FAM53B: variants seen among roughly 807,000 people sequenced by gnomAD.
The protein encoded by FAM53B is family with sequence similarity 53 member B, also known as protein FAM53B.
A neutral mutation model predicts 32.7 loss-of-function variants in FAM53B; 12 were observed. The ratio of observed to expected loss-of-function variants is 0.37; its 90% confidence interval spans 0.24 to 0.59. The LOEUF is 0.59. FAM53B is among the 20% of genes least tolerant of loss of function. The pLI is 0.72. For synonymous variants in FAM53B, 234 were observed against 228.7 expected (o/e 1.02, Z -0.21); for missense variants, 477 against 577.7 (o/e 0.83, Z 1.79).
At chr10:124,709,755 A>C (rs1949987606) in intron 1 of FAM53B, among the ~76,000 whole-genome samples, 2 of 152,162 alleles carry the variant, frequency 1.3e-5, no homozygotes, top group Admixed American at 1.3e-4. Context: ...GATATGAAAC[A>C]ATCTCCAAGA....
chr10:124,724,611 G>T (rs1950090938), intron 1 of FAM53B, among the ~76,000 whole-genome samples: 1 of 152,162 alleles, frequency 6.6e-6, no homozygotes, highest in Admixed American at 6.5e-5. Flanking sequence ...GGTGACCCAG[G>T]GGATTCTAAG....
At chr10:124,701,025 C>T (rs942505935) in intron 2 of FAM53B, among the ~76,000 whole-genome samples, 5 of 152,218 alleles carry the variant, frequency 3.3e-5, no homozygotes, top group African/African-American at 9.6e-5. Context: ...GATAGAGATA[C>T]GCTGGCCCTG....
rs150105383 is a variant in FAM53B, at chr10:124,623,719, C to T, written c.907-115G>A. 9.1e-5 allele frequency: 115 copies of T among 1,257,644 alleles called. 1 individual carries two copies. In the East Asian group the frequency reaches 2.5e-3, roughly 27 times the overall value. 77.9% of individuals were successfully genotyped at this position (1,257,644 alleles called of 1,614,324 possible). ...GGCTGTGGCAAGACCAATCAAGTCC[C>T]GGGTTCCTCCTATCCAGGCAAGGAC... is the stretch of plus-strand genomic sequence containing the variant. On this transcript the variant is annotated intron_variant, in intron 4 of 4. Coordinates refer to ENST00000337318, the MANE Select transcript of FAM53B (RefSeq NM_014661.4).
chr10:124,700,876 C>T (rs1377540910), intron 2 of FAM53B, among the ~76,000 whole-genome samples: 2 of 152,192 alleles, frequency 1.3e-5, no homozygotes, highest in South Asian at 2.1e-4. Flanking sequence ...TGCGGGGGAA[C>T]GAGTGGAGCA....
chr10:124,674,273 GC>G (rs1402017134), intron 4 of FAM53B, among the ~76,000 whole-genome samples: 7 of 152,178 alleles, frequency 4.6e-5, no homozygotes, highest in African/African-American at 1.4e-4. Context: ...TGAGCAGCAG[GC>G]CCCTCCTTTT....
chr10:124,722,042 G>A (rs934227570), intron 1 of FAM53B, among the ~76,000 whole-genome samples: 1 of 152,178 alleles, frequency 6.6e-6, no homozygotes, highest in Non-Finnish European at 1.5e-5. Flanking sequence ...AAGGGTAGGG[G>A]GAAGGCGGGG....
At chr10:124,702,676 T>C (rs1004589402) in intron 2 of FAM53B, among the ~76,000 whole-genome samples, 1 of 152,122 alleles carries the variant, frequency 6.6e-6, no homozygotes, top group African/African-American at 2.4e-5. Context: ...GGTGCACCCC[T>C]GCCCCTCAGC....
chr10:124,639,333 G>A (rs2134043408), intron 4 of FAM53B, among the ~76,000 whole-genome samples: 1 of 152,310 alleles, frequency 6.6e-6, no homozygotes, highest in Admixed American at 6.5e-5. Flanking sequence ...AGATCCCCAA[G>A]AGGGCTGAGG....
chr10:124,670,890 A>G (rs955997933), intron 4 of FAM53B, among the ~76,000 whole-genome samples: 1 of 152,152 alleles, frequency 6.6e-6, no homozygotes, highest in African/African-American at 2.4e-5. Flanking sequence ...CCTGAATGAC[A>G]TCCATCCCCC....
chr10:124,656,965 C>G (rs1486949481), intron 4 of FAM53B, among the ~76,000 whole-genome samples: 6 of 151,300 alleles, frequency 4.0e-5, no homozygotes, highest in Non-Finnish European at 8.8e-5. Context: ...GTACAGCACA[C>G]CAACATGGCA....
rs1949557936 is a variant in FAM53B at position 124,651,726 on chromosome 10, G to GC, written c.907-28123dup. Among the ~76,000 whole-genome samples, 1 of 152,202 alleles carries GC rather than the reference G, an allele frequency of 6.6e-6. No homozygotes were observed. On this transcript the variant is annotated intron_variant, in intron 4 of 4. Coordinates refer to ENST00000337318, the MANE Select transcript of FAM53B (RefSeq NM_014661.4). The surrounding 1 kb of genome is among the most constrained non-coding windows in gnomAD (Gnocchi z 5.2). ...GCTCTGGAGGGTCAAGGTCAGCAGA[G>GC]CCCCACAGATGTCTAGCCCCTGCCT...
chr10:124,649,721 G>T (rs956897310), intron 4 of FAM53B, among the ~76,000 whole-genome samples: 3 of 152,210 alleles, frequency 2.0e-5, no homozygotes, highest in African/African-American at 7.2e-5. Flanking sequence ...GGCTGGCGGT[G>T]TCCCTGGTCT....
chr10:124,678,942 G>C (rs1949752743), intron 4 of FAM53B, among the ~76,000 whole-genome samples: 1 of 152,226 alleles, frequency 6.6e-6, no homozygotes, highest in Non-Finnish European at 1.5e-5. Context: ...GGGAGCTGCA[G>C]CTTTTCAGAA....
At chr10:124,695,076 G>GC (rs1463121765) in intron 3 of FAM53B, among the ~76,000 whole-genome samples, 2 of 152,226 alleles carry the variant, frequency 1.3e-5, no homozygotes, top group East Asian at 3.9e-4. Flanking sequence ...CTCATCTATG[G>GC]CAACTGTATC....
At chr10:124,703,583 T>G (rs936035673) in intron 2 of FAM53B, 2 of 152,270 alleles carry the variant, frequency 1.3e-5, no homozygotes, top group Non-Finnish European at 2.9e-5. Context: ...TCTGGGCGCA[T>G]AAGCAAACTG....
intron 1 of FAM53B, among the ~76,000 whole-genome samples, chr10:124,707,259 A>T (rs1258383386): frequency 2.0e-5 from 3 of 152,172 alleles, no homozygotes; most frequent in Non-Finnish European, 4.4e-5. Context: ...CAGCTTCAGC[A>T]CACACCAGGA....
intron 2 of FAM53B, 130 bp downstream of exon 2, chr10:124,706,506 G>T (rs913789085): frequency 1.8e-6 from 2 of 1,102,504 alleles, no homozygotes; most frequent in Non-Finnish European, 2.7e-6. Context: ...AGCCCGGGAC[G>T]CCTCACAGAG....
intron 3 of FAM53B, among the ~76,000 whole-genome samples, chr10:124,691,055 GGC>G (rs537048391): frequency 2.3e-4 from 35 of 152,246 alleles, no homozygotes; most frequent in South Asian, 1.0e-3. Context: ...AAGCTCTGAG[GGC>G]CACGCTTTTC....
chr10:124,719,176 T>C (rs1023719757), intron 1 of FAM53B, among the ~76,000 whole-genome samples: 9 of 152,182 alleles, frequency 5.9e-5, no homozygotes, highest in African/African-American at 2.2e-4. Flanking sequence ...TCTAAGAAGT[T>C]TGGAGGAACA....
Sources: gnomAD v4.1 joint callset for allele counts (sites outside exome capture counted in the v4.1 genomes callset) on GRCh38, gnomAD v4.1.1 for gene constraint, Gnocchi (gnomAD v3.1) non-coding constraint, MANE v1.5 for transcripts, NCBI Gene and HGNC (gene_info 2026-07-23, HGNC 2026-07-21) for gene names.